The following PDZD2 variants were observed in gnomAD, a reference collection of about 807,000 sequenced individuals.
PDZD2 encodes the protein PDZ domain-containing protein 2.
In PDZD2, 90 loss-of-function variants were observed where a neutral mutation model predicts 220.7. The ratio of observed to expected loss-of-function variants is 0.41; its 90% CI spans 0.34 to 0.49. PDZD2 has a LOEUF of 0.49. PDZD2 is among the 20% of genes least tolerant of loss of function. The pLI is 0.28. For missense variants in PDZD2, 3,174 were observed against 3,608.5 expected (o/e 0.88, Z 3.08); for synonymous variants, 1,375 against 1,450.5 (o/e 0.95, Z 1.18).
Position 32,108,125 on chromosome 5 carries a change from ATTC to A in PDZD2, c.8514_8516del (p.Ser2839del), listed in dbSNP as rs752559008. The A allele has an allele frequency of 2.5e-6, 4 of 1,586,468 alleles. No homozygotes were observed. The South Asian group carries it at 4.6e-5, about 18-fold the overall frequency. On this transcript the variant is annotated inframe_deletion, in exon 25 of 25. Coordinates refer to ENST00000438447, the MANE Select transcript of PDZD2 (RefSeq NM_178140.4). ...CAGTTATTAATTAGAAAGCATAGGA[ATTC>A]TTCATGAATTTTAACAAGAATCATT...
rs1745129668 is a variant in PDZD2, at chr5:31,646,193, A to G, written c.-361+6756A>G. Among the ~76,000 whole-genome samples the G allele has an allele frequency of 6.6e-6, 1 of 152,184 alleles. No homozygotes were observed. The highest frequency in any genetic ancestry group is 2.4e-5 in the African/African-American group (1 of 41,450). ...GGTGAACCTGGCTTGTCCTGTTTACACGTCCTGGGATGTTACTGTAATTCC... is the reference window on the plus strand; with the variant it reads ...GGTGAACCTGGCTTGTCCTGTTTACGCGTCCTGGGATGTTACTGTAATTCC... On this transcript the variant is annotated intron_variant, in intron 1 of 24. Transcript: ENST00000438447. The surrounding 1 kb of genome is among the most constrained non-coding windows in gnomAD (Gnocchi z 4.7).
chr5:31,955,493 G>A (rs1414801173), intron 2 of PDZD2, among the ~76,000 whole-genome samples: 1 of 151,840 alleles, frequency 6.6e-6, no homozygotes, highest in Non-Finnish European at 1.5e-5. Context: ...TAGAGACGGG[G>A]TTTTACCATG....
chr5:31,687,653 T>G (rs1163857226), intron 1 of PDZD2, among the ~76,000 whole-genome samples: 1 of 152,172 alleles, frequency 6.6e-6, no homozygotes, highest in Non-Finnish European at 1.5e-5. Context: ...ACTGAGTGTC[T>G]TAAATAACAG....
chr5:31,972,589 G>GT (rs1235859076), intron 2 of PDZD2, among the ~76,000 whole-genome samples: 1 of 152,176 alleles, frequency 6.6e-6, no homozygotes, highest in Non-Finnish European at 1.5e-5. Flanking sequence ...TGCCTGGCTT[G>GT]TAGTAGTTAT....
At chr5:31,973,146 G>C (rs7701635) in intron 2 of PDZD2, among the ~76,000 whole-genome samples, 5,939 of 152,182 alleles carry the variant, frequency 0.039, 128 homozygotes, top group African/African-American at 0.041. Context: ...AAAGAAAGGA[G>C]GTGCATGAAA....
chr5:32,030,673 G>A (rs764904086), intron 6 of PDZD2, among the ~76,000 whole-genome samples: 59 of 152,162 alleles, frequency 3.9e-4, no homozygotes, highest in Non-Finnish European at 7.5e-4. Context: ...TGAAAGAGAT[G>A]AAATCAATGA....
intron 1 of PDZD2, among the ~76,000 whole-genome samples, chr5:31,688,689 G>C (rs1283274658): frequency 2.0e-5 from 3 of 152,160 alleles, no homozygotes; most frequent in Non-Finnish European, 4.4e-5. Context: ...GAAAGCTGAG[G>C]AGAACCACCT....
intron 1 of PDZD2, among the ~76,000 whole-genome samples, chr5:31,709,282 T>A (rs1580598068): frequency 6.7e-6 from 1 of 149,292 alleles, no homozygotes; most frequent in Admixed American, 6.7e-5. Context: ...AGCTCAGGAG[T>A]TCAAGACCAG....
At chr5:32,061,178 C>G in intron 14 of PDZD2, 44 bp downstream of exon 14, 1 of 1,597,012 alleles carries the variant, frequency 6.3e-7, no homozygotes, top group South Asian at 1.1e-5. Flanking sequence ...GATGATACAC[C>G]TTCCTAGGAT....
At chr5:31,785,795 C>T (rs538822202) in intron 1 of PDZD2, among the ~76,000 whole-genome samples, 3 of 152,180 alleles carry the variant, frequency 2.0e-5, no homozygotes, top group Admixed American at 6.5e-5. Flanking sequence ...TCTAGAGTGA[C>T]GGTGGATCCA....
At chr5:31,977,552 C>T (rs1749897820) in intron 2 of PDZD2, among the ~76,000 whole-genome samples, 1 of 152,146 alleles carries the variant, frequency 6.6e-6, no homozygotes, top group Admixed American at 6.6e-5. Context: ...TTGGAGAGCC[C>T]AGACTCCAGA....
In PDZD2 at chr5:32,089,701, G is replaced by C. The variant is rs140544837; in HGVS notation, c.6253G>C (p.Glu2085Gln). 1.2e-6 allele frequency: 2 copies of C among 1,614,066 alleles called. No homozygotes were observed. Among genetic ancestry groups the C allele is most frequent in the Non-Finnish European group, 1.7e-6 (2 of 1,180,052 alleles). Residue 2085 changes from glutamate (E) to glutamine (Q), a missense_variant, in exon 20 of 25, where the codon GAA becomes CAA. Physicochemically the swap from Glu to Gln is conservative, Grantham distance 29. Transcript: ENST00000438447. ...GGNIMASDRL[E>Q]RTNQLKIVEI... ...CAACATAATGGCCAGCGATCGCCTC[G>C]AAAGAACAAACCAGCTGAAAATCGT...
At chr5:31,976,714 C>CTTTTTTTTTTT (rs869280921) in intron 2 of PDZD2, among the ~76,000 whole-genome samples, 2 of 99,720 alleles carry the variant, frequency 2.0e-5, no homozygotes, top group Non-Finnish European at 3.9e-5. Flanking sequence ...TTTCTTCTTT[C>CTTTTTTTTTTT]TTTTTTTTTT....
intron 7 of PDZD2, among the ~76,000 whole-genome samples, chr5:32,042,011 CG>C (rs1756216119): frequency 7.9e-5 from 3 of 37,982 alleles, no homozygotes; most frequent in African/African-American, 1.8e-4. Context: ...GTCAGGAGAT[CG>C]AGACCATCCT....
chr5:31,862,165 G>A (rs954994010), intron 2 of PDZD2, among the ~76,000 whole-genome samples: 5 of 137,094 alleles, frequency 3.6e-5, no homozygotes, highest in Non-Finnish European at 6.1e-5. Flanking sequence ...GAGTGCAGTG[G>A]CACAATCTCA....
At chr5:32,101,653 G>A (rs1213999605) in intron 24 of PDZD2, among the ~76,000 whole-genome samples, 2 of 152,136 alleles carry the variant, frequency 1.3e-5, no homozygotes, top group Non-Finnish European at 2.9e-5. Context: ...CTTAATACTG[G>A]CCAAGATCTC....
intron 1 of PDZD2, chr5:31,744,118 A>C (rs1349183900): frequency 1.3e-5 from 2 of 152,190 alleles, no homozygotes; most frequent in Admixed American, 6.5e-5. Context: ...GTTACTTTCT[A>C]AAGAGTTTAT....
chr5:32,012,221 A>G (rs969464990), intron 6 of PDZD2, among the ~76,000 whole-genome samples: 1 of 151,966 alleles, frequency 6.6e-6, no homozygotes, highest in South Asian at 2.1e-4. Flanking sequence ...GTGCCCGGAG[A>G]CATCTCAGCC....
At chr5:31,705,620 TAATAA>T (rs1747789570) in intron 1 of PDZD2, among the ~76,000 whole-genome samples, 1 of 152,230 alleles carries the variant, frequency 6.6e-6, no homozygotes, top group Non-Finnish European at 1.5e-5. Flanking sequence ...TAGATTTGTA[TAATAA>T]AATAAGATTG....
Sources: gnomAD v4.1 joint callset for allele counts (sites outside exome capture counted in the v4.1 genomes callset) on GRCh38, gnomAD v4.1.1 for gene constraint, Gnocchi (gnomAD v3.1) non-coding constraint, MANE v1.5 for transcripts, NCBI Gene and HGNC (gene_info 2026-07-23, HGNC 2026-07-21) for gene names.